GAS2: variants seen among roughly 807,000 people sequenced by gnomAD.
The protein encoded by GAS2 is growth arrest-specific protein 2.
In GAS2, 20 loss-of-function variants were observed where a neutral mutation model predicts 37.5. That is an observed-to-expected ratio of 0.53 (90% confidence interval 0.37 to 0.77). GAS2 has a LOEUF of 0.77. GAS2 is among the 30% of genes least tolerant of loss of function. The pLI, the probability that GAS2 is intolerant of heterozygous loss-of-function variation, is 0.00. For missense variants in GAS2, 336 were observed against 373.4 expected, an observed-to-expected ratio of 0.90 and a Z score of 0.82; for synonymous variants, 144 against 132.2, an observed-to-expected ratio of 1.09 and a Z score of -0.61.
chr11:22,629,529 G>A (rs1001221773), intron 1 of GAS2, among the ~76,000 whole-genome samples: 1 of 152,086 alleles, frequency 6.6e-6, no homozygotes, highest in African/African-American at 2.4e-5. Flanking sequence ...TCCCATTGTG[G>A]TTTTAATTTG....
intron 1 of GAS2, among the ~76,000 whole-genome samples, chr11:22,644,515 C>T (rs898154498): frequency 2.0e-5 from 3 of 152,170 alleles, no homozygotes; most frequent in Admixed American, 2.0e-4. Context: ...CTATAGCTTA[C>T]ATTTCTGTTC....
intron 7 of GAS2, among the ~76,000 whole-genome samples, chr11:22,789,243 G>C (rs1450985774): frequency 7.0e-6 from 1 of 141,980 alleles, no homozygotes; most frequent in Non-Finnish European, 1.5e-5. Flanking sequence ...GGCTGAAGTA[G>C]AAAAAGTTCA....
chr11:22,687,178 T>G (rs1850004513), intron 3 of GAS2, among the ~76,000 whole-genome samples: 1 of 151,844 alleles, frequency 6.6e-6, no homozygotes, highest in Non-Finnish European at 1.5e-5. Context: ...CACAAAAAAG[T>G]TAGCAGGGAA....
chr11:22,782,352 AAAGTT>A (rs1448169976), intron 7 of GAS2, among the ~76,000 whole-genome samples: 1 of 152,294 alleles, frequency 6.6e-6, no homozygotes, highest in African/African-American at 2.4e-5. Flanking sequence ...AAAGAAAAAT[AAAGTT>A]AAGGGGTTCC....
At chr11:22,690,704 T>C (rs989416534) in intron 3 of GAS2, among the ~76,000 whole-genome samples, 1 of 152,158 alleles carries the variant, frequency 6.6e-6, no homozygotes, top group Non-Finnish European at 1.5e-5. Context: ...CCAAACCAAA[T>C]GACAGGTTTA....
intron 1 of GAS2, among the ~76,000 whole-genome samples, chr11:22,640,142 T>G (rs1279498620): frequency 6.6e-6 from 1 of 152,126 alleles, no homozygotes; most frequent in Non-Finnish European, 1.5e-5. Flanking sequence ...AAAGATAGAG[T>G]TTCCTTGCGG....
At chr11:22,706,625 G>A (rs913893688) in intron 3 of GAS2, among the ~76,000 whole-genome samples, 18 of 152,104 alleles carry the variant, frequency 1.2e-4, no homozygotes, top group Admixed American at 2.0e-4. Context: ...GAGAATGATG[G>A]TTTCCAATTT....
intron 2 of GAS2, among the ~76,000 whole-genome samples, chr11:22,682,512 T>A (rs896000827): frequency 5.3e-5 from 8 of 152,174 alleles, no homozygotes; most frequent in Non-Finnish European, 7.3e-5. Flanking sequence ...AATTTAAACT[T>A]ATTTGAATAA....
chr11:22,711,652 G>A (rs1480142327), intron 3 of GAS2, among the ~76,000 whole-genome samples: 2 of 152,176 alleles, frequency 1.3e-5, no homozygotes, highest in Admixed American at 6.5e-5. Flanking sequence ...TATAAACTCA[G>A]TGCAGTTCTG....
At chr11:22,731,249 G>A (rs777131733) in intron 4 of GAS2, 1 of 384,364 alleles carries the variant, frequency 2.6e-6, no homozygotes, top group Non-Finnish European at 5.2e-6. Context: ...CGAAAAAAGG[G>A]ATGGGGAAGT....
At chr11:22,680,930 A>T (rs1481967745) in intron 2 of GAS2, among the ~76,000 whole-genome samples, 1 of 152,190 alleles carries the variant, frequency 6.6e-6, no homozygotes, top group Non-Finnish European at 1.5e-5. Flanking sequence ...CTTAATCTAC[A>T]CATCTGTTTC....
intron 1 of GAS2, among the ~76,000 whole-genome samples, chr11:22,629,659 T>G (rs542332194): frequency 1.1e-4 from 16 of 151,570 alleles, no homozygotes; most frequent in Non-Finnish European, 1.5e-4. Flanking sequence ...GGATTATTGG[T>G]TTTTTTTTCT....
intron 6 of GAS2, among the ~76,000 whole-genome samples, chr11:22,749,839 G>A (rs368638466): frequency 6.6e-6 from 1 of 151,928 alleles, no homozygotes; most frequent in African/African-American, 2.4e-5. Context: ...ACAATTTTTG[G>A]TAGTTAGGAA....
intron 3 of GAS2, among the ~76,000 whole-genome samples, chr11:22,719,337 C>T (rs1260991369): frequency 2.6e-5 from 4 of 152,074 alleles, no homozygotes; most frequent in Non-Finnish European, 4.4e-5. Flanking sequence ...TCTCCTACCC[C>T]TGGCAATCAC....
At position 22,749,139 on chromosome 11, in the gene GAS2, G is replaced by T; in HGVS notation, c.493G>T (p.Gly165Cys). Residue 165 changes from glycine (G) to cysteine (C), a missense_variant, in exon 6 of 8, where the codon GGT (glycine) becomes TGT (cysteine). Physicochemically the swap from Gly to Cys is radical, Grantham distance 159. Coordinates refer to ENST00000454584, the MANE Select transcript of GAS2 (RefSeq NM_001143830.3). ...TTAAAGGTATGGTGTGGAGCCTCCT[G>T]GTTTGATAAAGCTGGAAAAAGAGAT... The part of the protein sequence containing the change: ...IAARYGVEPP[G>C]LIKLEKEIEQ... 6.2e-7 allele frequency: 1 copy of T among 1,612,174 alleles called. No homozygotes were observed. The highest frequency in any genetic ancestry group is 8.5e-7 in the Non-Finnish European group (1 of 1,178,932).
chr11:22,734,079 G>A (rs1852621435), intron 4 of GAS2, among the ~76,000 whole-genome samples: 1 of 151,690 alleles, frequency 6.6e-6, no homozygotes, highest in South Asian at 2.1e-4. Context: ...TACAAACACA[G>A]TACAATGATA....
At chr11:22,756,489 A>G (rs1322250128) in intron 7 of GAS2, among the ~76,000 whole-genome samples, 1 of 152,126 alleles carries the variant, frequency 6.6e-6, no homozygotes, top group East Asian at 1.9e-4. Context: ...TGTAGAATAG[A>G]ATGATTTGAA....
intron 4 of GAS2, among the ~76,000 whole-genome samples, chr11:22,734,796 T>C (rs2134209173): frequency 6.6e-6 from 1 of 151,860 alleles, no homozygotes; most frequent in African/African-American, 2.4e-5. Flanking sequence ...TTAGTGCTCA[T>C]ACTCACACCC....
intron 7 of GAS2, among the ~76,000 whole-genome samples, chr11:22,756,933 A>G (rs563075329): frequency 6.6e-5 from 10 of 152,216 alleles, no homozygotes; most frequent in Admixed American, 6.5e-4. Context: ...ATATTTTGTT[A>G]AGTCAAACTG....
Sources: gnomAD v4.1 joint callset for allele counts (sites outside exome capture counted in the v4.1 genomes callset) on GRCh38, gnomAD v4.1.1 for gene constraint, MANE v1.5 for transcripts, NCBI Gene and HGNC (gene_info 2026-07-23, HGNC 2026-07-21) for gene names.